PDE8B: variants seen among roughly 807,000 people sequenced by gnomAD.
PDE8B encodes the protein phosphodiesterase 8B, also known as high affinity cAMP-specific and IBMX-insensitive 3',5'-cyclic phosphodiesterase 8B.
A neutral mutation model predicts 101.3 loss-of-function variants in PDE8B; 26 were observed. The observed-to-expected ratio is 0.26, with a 90% CI of 0.19 to 0.36. The LOEUF is 0.36. Among genes scored for constraint, PDE8B ranks in the 10% least tolerant of loss-of-function variants. The pLI is 1.00. For synonymous variants in PDE8B, 424 were observed against 429.3 expected, an observed-to-expected ratio of 0.99 and a Z score of 0.15; for missense variants, 810 against 1,163.1, an observed-to-expected ratio of 0.70 and a Z score of 4.42.
At chr5:77,309,348 T>G (rs1772017925) in intron 1 of PDE8B, among the ~76,000 whole-genome samples, 1 of 152,194 alleles carries the variant, frequency 6.6e-6, no homozygotes, top group Admixed American at 6.5e-5. Context: ...GCCTGTGCCC[T>G]TCTTGCAGGA....
intron 1 of PDE8B, among the ~76,000 whole-genome samples, chr5:77,264,950 A>G (rs1353217184): frequency 1.3e-5 from 2 of 152,132 alleles, no homozygotes; most frequent in Non-Finnish European, 2.9e-5. Context: ...TTCTTTTTAC[A>G]TTGAAGTGCA....
intron 1 of PDE8B, among the ~76,000 whole-genome samples, chr5:77,227,764 A>C (rs1752720105): frequency 6.6e-6 from 1 of 152,198 alleles, no homozygotes; most frequent in Non-Finnish European, 1.5e-5. Flanking sequence ...AGACTGGTTC[A>C]GTTCAACAAA....
chr5:77,269,799 T>C (rs1762431634), intron 1 of PDE8B, among the ~76,000 whole-genome samples: 1 of 152,208 alleles, frequency 6.6e-6, no homozygotes, highest in Non-Finnish European at 1.5e-5. Flanking sequence ...TGGATTTATT[T>C]TTGGGTTCTC....
intron 15 of PDE8B, 103 bp downstream of exon 15, chr5:77,411,824 C>A: frequency 1.1e-6 from 1 of 930,710 alleles, no homozygotes; most frequent in East Asian, 2.4e-5. Flanking sequence ...CAGCTAGTCC[C>A]ATTTGAGTTT....
chr5:77,377,172 C>T (rs1786296136), intron 10 of PDE8B, among the ~76,000 whole-genome samples: 1 of 152,166 alleles, frequency 6.6e-6, no homozygotes, highest in Admixed American at 6.6e-5. Flanking sequence ...CAACATTGAG[C>T]TTCAGAGGAA....
chr5:77,186,475 A>T, the PDE8B span, among the ~76,000 whole-genome samples: 42 of 152,266 alleles, frequency 2.8e-4, no homozygotes, highest in Non-Finnish European at 1.0e-4. Flanking sequence ...TGGAATCAGG[A>T]TGTGTTAATA....
intron 6 of PDE8B, among the ~76,000 whole-genome samples, chr5:77,343,996 A>T (rs1166623099): frequency 6.6e-6 from 1 of 151,082 alleles, no homozygotes; most frequent in Non-Finnish European, 1.5e-5. Context: ...ATCTTGTCCC[A>T]CTGGAAGGTC....
the PDE8B span, among the ~76,000 whole-genome samples, chr5:77,188,069 T>C: frequency 6.6e-6 from 1 of 152,166 alleles, no homozygotes; most frequent in Non-Finnish European, 1.5e-5. Flanking sequence ...CCAGTTAGTA[T>C]TAAAAAATAA....
intron 1 of PDE8B, among the ~76,000 whole-genome samples, chr5:77,283,176 G>A (rs561687340): frequency 7.9e-5 from 12 of 152,096 alleles, no homozygotes; most frequent in African/African-American, 2.9e-4. Flanking sequence ...TTTTTTTACA[G>A]CATTTTTAGA....
chr5:77,173,069 T>C, the PDE8B span, among the ~76,000 whole-genome samples: 1 of 152,172 alleles, frequency 6.6e-6, no homozygotes, highest in African/African-American at 2.4e-5. Flanking sequence ...AGCCAATCAG[T>C]GAACACACTT....
intron 1 of PDE8B, among the ~76,000 whole-genome samples, chr5:77,272,428 C>T (rs958310694): frequency 1.3e-5 from 2 of 152,190 alleles, no homozygotes; most frequent in African/African-American, 4.8e-5. Flanking sequence ...TGTGGTGCCT[C>T]GAACATGTCC....
Position 77,231,127 on chromosome 5 carries a change from T to C in PDE8B, c.339+19863T>C, listed in dbSNP as rs576427155. On this transcript the variant is annotated intron_variant, in intron 1 of 21. Coordinates refer to ENST00000264917, the MANE Select transcript of PDE8B (RefSeq NM_003719.5). ...TGTTGGTACTTGATATTTGTTTTGG[T>C]AGTTTGGAAGAAATGGCGGTTAAAA... Among the ~76,000 whole-genome samples the C allele has an allele frequency of 3.3e-5, 5 of 152,294 alleles. No individual in the cohort carries two copies. The South Asian group carries it at 1.0e-3, about 32-fold the overall frequency.
the PDE8B span, among the ~76,000 whole-genome samples, chr5:77,188,286 A>G: frequency 6.6e-6 from 1 of 152,172 alleles, no homozygotes; most frequent in East Asian, 1.9e-4. Context: ...TAATATTGAT[A>G]AAGGGCTTAC....
chr5:77,278,434 C>T (rs1242487995), intron 1 of PDE8B, among the ~76,000 whole-genome samples: 1 of 152,156 alleles, frequency 6.6e-6, no homozygotes, highest in African/African-American at 2.4e-5. Context: ...ACTTGAGATT[C>T]AGAACAAGAC....
At chr5:77,298,474 T>C (rs1356059429) in intron 1 of PDE8B, among the ~76,000 whole-genome samples, 1 of 152,162 alleles carries the variant, frequency 6.6e-6, no homozygotes, top group Non-Finnish European at 1.5e-5. Context: ...ATTGATGAAT[T>C]TTAGCATGTG....
the PDE8B span, chr5:77,151,243 C>T: frequency 6.6e-6 from 1 of 152,346 alleles, no homozygotes; most frequent in Non-Finnish European, 1.5e-5. Context: ...AGCAGAGAAC[C>T]CAGCAGAGGA....
chr5:77,327,964 G>A (rs1561532763), intron 3 of PDE8B, among the ~76,000 whole-genome samples: 1 of 152,176 alleles, frequency 6.6e-6, no homozygotes, highest in Non-Finnish European at 1.5e-5. Flanking sequence ...AGAGGATGAA[G>A]CAATACGAGC....
intron 8 of PDE8B, among the ~76,000 whole-genome samples, chr5:77,350,272 A>C (rs1780847662): frequency 6.6e-6 from 1 of 152,204 alleles, no homozygotes; most frequent in Non-Finnish European, 1.5e-5. Flanking sequence ...GGATAAGATA[A>C]ATTTGGATTA....
intron 1 of PDE8B, among the ~76,000 whole-genome samples, chr5:77,259,092 C>T (rs1430889429): frequency 8.2e-6 from 1 of 122,518 alleles, no homozygotes; most frequent in Non-Finnish European, 1.7e-5. Flanking sequence ...CCCACACACA[C>T]ACACGAATGT....
Sources: gnomAD v4.1 joint callset for allele counts (sites outside exome capture counted in the v4.1 genomes callset) on GRCh38, gnomAD v4.1.1 for gene constraint, MANE v1.5 for transcripts, NCBI Gene and HGNC (gene_info 2026-07-23, HGNC 2026-07-21) for gene names.